MYO9B: variants seen among roughly 807,000 people sequenced by gnomAD.
The protein encoded by MYO9B is myosin IXB.
A neutral mutation model predicts 229.5 loss-of-function variants in MYO9B; 71 were observed. The observed-to-expected ratio is 0.31, with a 90% CI of 0.26 to 0.38. The LOEUF is 0.38. MYO9B is among the 10% of genes least tolerant of loss of function. The pLI, the probability that MYO9B is intolerant of heterozygous loss-of-function variation, is 1.00. For missense variants in MYO9B, 2,255 were observed against 2,920.5 expected (o/e 0.77, Z 5.25); for synonymous variants, 1,185 against 1,235.8 (o/e 0.96, Z 0.86).
In MYO9B at chr19:17,200,670, A is replaced by C. The variant is rs780631642; in HGVS notation, c.4404A>C (p.Ala1468=). Residue 1468 remains alanine, a synonymous_variant, in exon 26 of 40, where the codon GCA becomes GCC. Coordinates refer to ENST00000682292, the MANE Select transcript of MYO9B (RefSeq NM_004145.4). ...APSGQQHRHA[A]GEKRTKEPGG... ...CCGGACAGCAGCATCGCCACGCTGCAGGTGAGAAGCGCACCAAGGAACCAG... is the reference window on the plus strand; with the variant it reads ...CCGGACAGCAGCATCGCCACGCTGCCGGTGAGAAGCGCACCAAGGAACCAG... The C allele has an allele frequency of 1.2e-6, 2 of 1,613,948 alleles. No homozygotes were observed. Among genetic ancestry groups the C allele is most frequent in the Admixed American group, 1.7e-5 (1 of 60,010 alleles).
At chr19:17,205,075 C>T (rs1046733841) in intron 30 of MYO9B, among the ~76,000 whole-genome samples, 188 bp from the exon 31 acceptor site, 2 of 151,146 alleles carry the variant, frequency 1.3e-5, no homozygotes, top group East Asian at 1.9e-4. Flanking sequence ...CACTTGAACC[C>T]GGGAGGCGGA....
intron 14 of MYO9B, among the ~76,000 whole-genome samples, chr19:17,179,370 C>G (rs1181458689): frequency 7.9e-5 from 12 of 151,592 alleles, no homozygotes; most frequent in Admixed American, 5.9e-4. Flanking sequence ...CTAATTTGCT[C>G]CTCCCACAGA....
At chr19:17,110,491 C>G (rs1415816750) in intron 2 of MYO9B, among the ~76,000 whole-genome samples, 2 of 152,314 alleles carry the variant, frequency 1.3e-5, no homozygotes, top group East Asian at 1.9e-4. Context: ...CCCACAGCCT[C>G]AGATCCACCA....
intron 2 of MYO9B, among the ~76,000 whole-genome samples, chr19:17,130,947 A>T (rs557119584): frequency 6.6e-6 from 1 of 152,104 alleles, no homozygotes; most frequent in Non-Finnish European, 1.5e-5. Context: ...AGTCAGTTTA[A>T]CAGGAACCCT....
intron 2 of MYO9B, among the ~76,000 whole-genome samples, chr19:17,143,325 A>C (rs780456039): frequency 1.4e-4 from 21 of 151,806 alleles, no homozygotes; most frequent in Non-Finnish European, 2.8e-4. Flanking sequence ...TTGGCTATAC[A>C]CCTCTGTATT....
Position 17,201,907 on chromosome 19 carries a change from A to T in MYO9B, c.4564-19A>T. ...CCCCAGGCCTGAGGCACGCAGGGTC[A>T]GTTCCTCTCCCCTTCCAGATAAATG... On this transcript the variant is annotated intron_variant, in intron 26 of 39. Transcript: ENST00000682292. The T allele has an allele frequency of 6.3e-7, 1 of 1,594,914 alleles. No individual in the cohort carries two copies. The highest frequency in any genetic ancestry group is 8.6e-7 in the Non-Finnish European group (1 of 1,165,314).
intron 2 of MYO9B, among the ~76,000 whole-genome samples, chr19:17,104,317 A>G (rs1412101261): frequency 6.6e-6 from 1 of 152,152 alleles, no homozygotes; most frequent in Non-Finnish European, 1.5e-5. Context: ...AGAAGGGACC[A>G]ACCCAGGCTC....
At chr19:17,138,185 A>G (rs928599400) in intron 2 of MYO9B, among the ~76,000 whole-genome samples, 1 of 152,124 alleles carries the variant, frequency 6.6e-6, no homozygotes, top group Non-Finnish European at 1.5e-5. Flanking sequence ...TTTGGTGAGA[A>G]TGATGGTTTC....
Position 17,184,895 on chromosome 19 carries a change from A to T in MYO9B, c.2404A>T (p.Ile802Phe). 6.2e-7 allele frequency: 1 copy of T among 1,613,812 alleles called. No homozygotes were observed. Among genetic ancestry groups the T allele is most frequent in the East Asian group, 2.2e-5 (1 of 44,860 alleles). ...NLLDSKSLKL[I>F]ISMTLHDRTT... ...ACTGGACTCCAAGTCCCTGAAACTC[A>T]TCATCAGCATGACTCTGCACGACCG... The change falls in exon 17 of 40, where the codon ATC becomes TTC. Residue 802 changes from isoleucine to phenylalanine, a missense_variant. Transcript: ENST00000682292.
Position 17,172,372 on chromosome 19 carries a change from G to A in MYO9B, c.1830G>A (p.Lys610=), listed in dbSNP as rs745434091. The A allele has an allele frequency of 1.9e-6, 3 of 1,613,984 alleles. No individual in the cohort carries two copies. Among genetic ancestry groups the A allele is most frequent in the Non-Finnish European group, 1.7e-6 (2 of 1,179,888 alleles). The change falls in exon 12 of 40, where the codon AAG becomes AAA. Residue 610 remains lysine, a synonymous_variant. Transcript: ENST00000682292. This position sits in a 1 kb window ranked among gnomAD's most constrained non-coding sequence, Gnocchi z 8.2. Reference sequence around the variant, plus strand: ...CCACGAGCCAGACCCTGCTGGCCAAGTTCAAACAGCAACATGAGGACAATA... The same window carrying A: ...CCACGAGCCAGACCCTGCTGGCCAAATTCAAACAGCAACATGAGGACAATA... ...PHATSQTLLA[K]FKQQHEDNKY...
intron 39 of MYO9B, 33 bp from the exon 40 acceptor site, chr19:17,211,862 G>A: frequency 3.1e-6 from 5 of 1,601,510 alleles, no homozygotes; most frequent in Non-Finnish European, 4.3e-6. Context: ...CGGCCCTGAA[G>A]CTGCAGTAAC....
intron 2 of MYO9B, among the ~76,000 whole-genome samples, chr19:17,112,642 AGTCCTGGTGAATTT>A (rs2057858981): frequency 6.6e-6 from 1 of 152,298 alleles, no homozygotes; most frequent in South Asian, 2.1e-4. Context: ...CCCGGAGGCC[AGTCCTGGTGAATTT>A]GGTTTGGGGT....
chr19:17,131,135 C>G (rs943973316), intron 2 of MYO9B, among the ~76,000 whole-genome samples: 1 of 152,206 alleles, frequency 6.6e-6, no homozygotes, highest in Non-Finnish European at 1.5e-5. Flanking sequence ...CACTGACCCC[C>G]ACCCTGCTCC....
intron 1 of MYO9B, among the ~76,000 whole-genome samples, chr19:17,092,919 C>T (rs545432230): frequency 1.3e-5 from 2 of 152,226 alleles, no homozygotes; most frequent in Non-Finnish European, 2.9e-5. Flanking sequence ...GAGGTGTGTT[C>T]ATGTTTGTAT....
chr19:17,194,456 C>T, intron 21 of MYO9B, 100 bp from the exon 22 acceptor site: 7 of 1,368,744 alleles, frequency 5.1e-6, no homozygotes, highest in Non-Finnish European at 7.1e-6. Context: ...CAGGCGAAGC[C>T]CCGTCTGCAG....
At chr19:17,179,906 A>T (rs540284123) in intron 14 of MYO9B, among the ~76,000 whole-genome samples, 66 of 150,204 alleles carry the variant, frequency 4.4e-4, no homozygotes, top group African/African-American at 1.6e-3. Flanking sequence ...TTCCAAAAAA[A>T]AATAAAATAA....
At chr19:17,092,722 CAA>C (rs3067821) in intron 1 of MYO9B, among the ~76,000 whole-genome samples, 57,736 of 96,954 alleles carry the variant, frequency 0.6, 13,843 homozygotes, top group African/African-American at 0.69. Flanking sequence ...AAGGCTCCGT[CAA>C]AAAAAAAAAA....
chr19:17,183,148 C>G (rs538787623), intron 15 of MYO9B, among the ~76,000 whole-genome samples: 1 of 152,326 alleles, frequency 6.6e-6, no homozygotes, highest in South Asian at 2.1e-4. Context: ...CCTTGAACTC[C>G]TGACCTCAGG....
chr19:17,126,298 C>A lies in MYO9B; in HGVS notation c.841-19099C>A, dbSNP rs144423471. On this transcript the variant is annotated intron_variant, in intron 2 of 39. Coordinates refer to ENST00000682292, the MANE Select transcript of MYO9B (RefSeq NM_004145.4). Reference sequence around the variant, plus strand: ...CATTTTGTCCTGGGTGCTTCCCAGGCCTGCTCCTCCACGTCCCCACCATGG... The same window carrying A: ...CATTTTGTCCTGGGTGCTTCCCAGGACTGCTCCTCCACGTCCCCACCATGG... 2.9e-3 allele frequency among the ~76,000 whole-genome samples: 435 copies of A among 152,342 alleles called. 1 individual carries two copies. The highest frequency in any genetic ancestry group is 9.9e-3 in the African/African-American group (412 of 41,584).
Sources: allele counts gnomAD v4.1 joint callset (sites outside exome capture counted in the v4.1 genomes callset), GRCh38; gene constraint gnomAD v4.1.1; non-coding constraint Gnocchi (gnomAD v3.1); transcripts MANE v1.5; gene names NCBI Gene and HGNC (gene_info 2026-07-23, HGNC 2026-07-21).